Variants in PCDHGA4 observed in about 807,000 individuals in gnomAD.
PCDHGA4 encodes the protein protocadherin gamma-A4.
PCDHGA4 carries 38 observed loss-of-function variants against 54.6 expected under a neutral mutation model. That is an observed-to-expected ratio of 0.70 (90% CI 0.54 to 0.91). PCDHGA4 has a LOEUF of 0.91. PCDHGA4 is among the 40% of genes least tolerant of loss of function. PCDHGA4 has a pLI of 0.00. For synonymous variants in PCDHGA4, 511 were observed against 512.9 expected (o/e 1.00, Z 0.05); for missense variants, 1,298 against 1,220.9 (o/e 1.06, Z -0.94).
chr5:141,388,628 G>T (rs752578230), intron 1 of PCDHGA4: 1 of 1,613,898 alleles, frequency 6.2e-7, no homozygotes, highest in East Asian at 2.2e-5. Flanking sequence ...ACGTATACAG[G>T]GTGAGCCTTT....
intron 1 of PCDHGA4, among the ~76,000 whole-genome samples, chr5:141,368,478 A>G (rs1328792459): frequency 2.0e-5 from 3 of 152,318 alleles, no homozygotes; most frequent in Middle Eastern, 3.4e-3. Flanking sequence ...CCAAAGAGTA[A>G]CAAGAGAATC....
At position 141,357,036 on chromosome 5, in the gene PCDHGA4, C is replaced by T. The variant is rs765676515; in HGVS notation, c.1929C>T (p.Ser643=). 10 of 1,614,042 alleles carry T rather than the reference C, an allele frequency of 6.2e-6. No homozygotes were observed. The Middle Eastern group carries it at 5.0e-4, about 80-fold the overall frequency. The change falls in exon 1 of 4, where the codon AGC becomes AGT. Residue 643 remains serine, a synonymous_variant. Coordinates refer to ENST00000571252, the MANE Select transcript of PCDHGA4 (RefSeq NM_018917.4). ...AWLSYSLLKS[S]EPGLFAVGLH... The stretch of plus-strand genomic sequence containing the variant: ...TGTCCTACAGCCTACTCAAGTCCAG[C>T]GAGCCGGGACTATTTGCAGTGGGGC...
intron 1 of PCDHGA4, chr5:141,370,593 C>A (rs373364003): frequency 6.2e-6 from 10 of 1,613,710 alleles, no homozygotes; most frequent in South Asian, 2.2e-5. Flanking sequence ...TAGGAACCTG[C>A]GGGTTATTGC....
chr5:141,365,004 C>A (rs746525916), intron 1 of PCDHGA4: 1 of 1,613,818 alleles, frequency 6.2e-7, no homozygotes, highest in African/African-American at 1.3e-5. Flanking sequence ...CTCTCCGGCA[C>A]CACGCACATC....
chr5:141,487,593 C>G lies in PCDHGA4; in HGVS notation c.2515-7214C>G. The G allele has an allele frequency of 6.2e-7, 1 of 1,614,206 alleles. No homozygotes were observed. Among genetic ancestry groups the G allele is most frequent in the African/African-American group, 1.3e-5 (1 of 75,062 alleles). On this transcript the variant is annotated intron_variant, in intron 1 of 3. Coordinates refer to ENST00000571252, the MANE Select transcript of PCDHGA4 (RefSeq NM_018917.4). This position sits in a 1 kb window ranked among gnomAD's most constrained non-coding sequence, Gnocchi z 5.0. ...CCTGTTCGCCCAAGCTGCCCACCCT[C>G]TGATCTTCTCTATGGGCTAGAGGTG...
At chr5:141,415,342 T>C (rs1305683222) in intron 1 of PCDHGA4, 2 of 1,614,108 alleles carry the variant, frequency 1.2e-6, no homozygotes, top group African/African-American at 2.7e-5. Context: ...GCTGCGGCGC[T>C]GGCACAAGTC....
intron 1 of PCDHGA4, chr5:141,365,843 G>C: frequency 6.2e-7 from 1 of 1,613,912 alleles, no homozygotes; most frequent in Non-Finnish European, 8.5e-7. Flanking sequence ...GTCCTCCTAT[G>C]TATCCATTAA....
At chr5:141,392,584 C>T (rs1252723609) in intron 1 of PCDHGA4, 1 of 473,072 alleles carries the variant, frequency 2.1e-6, no homozygotes, top group African/African-American at 2.0e-5. Context: ...CTGTAAGCGC[C>T]GCTGTTCACC....
intron 1 of PCDHGA4, chr5:141,383,348 T>C: frequency 6.2e-7 from 1 of 1,613,946 alleles, no homozygotes; most frequent in Admixed American, 1.7e-5. Context: ...GCTCCTGGGG[T>C]TCGGTTTCCG....
chr5:141,403,049 T>A, intron 1 of PCDHGA4: 1 of 1,614,056 alleles, frequency 6.2e-7, no homozygotes, highest in Non-Finnish European at 8.5e-7. Context: ...TCAGATTCGC[T>A]ACTCAGTGCC....
At chr5:141,361,541 C>A in intron 1 of PCDHGA4, 1 of 1,614,074 alleles carries the variant, frequency 6.2e-7, no homozygotes, top group Non-Finnish European at 8.5e-7. Flanking sequence ...CCTCCTGGCG[C>A]CTCTATCGCT....
At chr5:141,371,265 C>A in intron 1 of PCDHGA4, 1 of 1,614,024 alleles carries the variant, frequency 6.2e-7, no homozygotes, top group Non-Finnish European at 8.5e-7. Context: ...AGTGAGACAA[C>A]TGTTCAAGCT....
intron 1 of PCDHGA4, among the ~76,000 whole-genome samples, chr5:141,446,280 A>G (rs1011084291): frequency 2.6e-5 from 4 of 152,162 alleles, no homozygotes; most frequent in South Asian, 2.1e-4. Context: ...AATACAATGG[A>G]TAAATGGGGA....
chr5:141,427,973 C>T (rs754410723), intron 1 of PCDHGA4: 3 of 1,594,054 alleles, frequency 1.9e-6, no homozygotes, highest in Non-Finnish European at 2.6e-6. Context: ...TGCTGTACCC[C>T]GCGCTGGGGC....
chr5:141,415,740 G>GTTTTTTTTTTTTTTTTTTTTTTTTTT, intron 1 of PCDHGA4: 11 of 617,992 alleles, frequency 1.8e-5, no homozygotes, highest in Middle Eastern at 5.6e-4. Context: ...GTTTATTAAG[G>GTTTTTTTTTTTTTTTTTTTTTTTTTT]TTTTTTTTTT....
At chr5:141,509,216 T>C (rs2099875781) in intron 3 of PCDHGA4, among the ~76,000 whole-genome samples, 1 of 152,124 alleles carries the variant, frequency 6.6e-6, no homozygotes, top group South Asian at 2.1e-4. Flanking sequence ...TATTTCTCAA[T>C]CCCTGGTTGA....
intron 1 of PCDHGA4, chr5:141,392,964 G>C (rs772870041): frequency 1.4e-5 from 23 of 1,613,902 alleles, no homozygotes; most frequent in Non-Finnish European, 1.9e-5. Flanking sequence ...TATCTCCAAG[G>C]ACCTGGGGCT....
intron 1 of PCDHGA4, among the ~76,000 whole-genome samples, chr5:141,473,542 G>A (rs1444751260): frequency 6.6e-6 from 1 of 152,176 alleles, no homozygotes; most frequent in Non-Finnish European, 1.5e-5. Flanking sequence ...GGGGCCTAAT[G>A]GAAGACCTCT....
Position 141,371,934 on chromosome 5 carries a change from G to T in PCDHGA4, c.2514+14313G>T, listed in dbSNP as rs1024560538. On this transcript the variant is annotated intron_variant, in intron 1 of 3. Coordinates refer to ENST00000571252, the MANE Select transcript of PCDHGA4 (RefSeq NM_018917.4). The stretch of plus-strand genomic sequence containing the variant: ...GTCCGTGAGCGCGCGGAGCGGGGTG[G>T]TGTTCGCGCAGCGAGCCTTCGACCA... The T allele has an allele frequency of 3.1e-6, 5 of 1,613,324 alleles. No individual in the cohort carries two copies. In the Admixed American group the frequency reaches 8.3e-5, roughly 27 times the overall value.
Sources: allele counts gnomAD v4.1 joint callset (sites outside exome capture counted in the v4.1 genomes callset), GRCh38; gene constraint gnomAD v4.1.1; non-coding constraint Gnocchi (gnomAD v3.1); transcripts MANE v1.5; gene names NCBI Gene and HGNC (gene_info 2026-07-23, HGNC 2026-07-21).